The following NRG2 variants were observed in gnomAD, a reference collection of about 807,000 sequenced individuals.
NRG2 encodes pro-neuregulin-2, membrane-bound isoform.
Under a neutral mutation model 73.9 loss-of-function variants are expected in NRG2, and 27 were observed. That is an observed-to-expected ratio of 0.37 (90% CI 0.27 to 0.50). NRG2 has a LOEUF of 0.50. Among genes scored for constraint, NRG2 ranks in the 20% least tolerant of loss-of-function variants. NRG2 has a pLI of 0.96. For missense variants in NRG2, 1,126 were observed against 1,210.1 expected, an observed-to-expected ratio of 0.93 and a Z score of 1.03; for synonymous variants, 532 against 541.0, an observed-to-expected ratio of 0.98 and a Z score of 0.23.
chr5:139,893,368 C>A (rs1056797383), intron 1 of NRG2, among the ~76,000 whole-genome samples: 2 of 152,156 alleles, frequency 1.3e-5, no homozygotes, highest in Middle Eastern at 3.2e-3. Context: ...GGGGTTCATG[C>A]ATATTTTCTC....
intron 1 of NRG2, among the ~76,000 whole-genome samples, chr5:139,987,461 T>G (rs918585005): frequency 2.0e-5 from 3 of 151,106 alleles, no homozygotes; most frequent in Non-Finnish European, 4.4e-5. Context: ...TCCAGTGCTC[T>G]AAGGATGCCC....
chr5:139,945,046 T>C (rs1753706304), intron 1 of NRG2, among the ~76,000 whole-genome samples: 1 of 152,198 alleles, frequency 6.6e-6, no homozygotes, highest in South Asian at 2.1e-4. Context: ...CTTTTGTATG[T>C]CTTCTTTTGA....
intron 1 of NRG2, among the ~76,000 whole-genome samples, chr5:139,979,750 C>T (rs573926159): frequency 1.1e-4 from 16 of 152,282 alleles, no homozygotes; most frequent in East Asian, 3.9e-4. Flanking sequence ...GATCCTGCAA[C>T]GCTGGCTGAG....
At chr5:139,871,560 T>C (rs1392517955) in intron 4 of NRG2, among the ~76,000 whole-genome samples, 161 bp downstream of exon 4, 1 of 152,106 alleles carries the variant, frequency 6.6e-6, no homozygotes, top group East Asian at 1.9e-4. Context: ...TCTCCTTATA[T>C]TCCAGGAAAG....
chr5:140,040,863 G>T (rs1284741607), intron 1 of NRG2, among the ~76,000 whole-genome samples: 2 of 152,056 alleles, frequency 1.3e-5, no homozygotes, highest in Admixed American at 1.3e-4. Flanking sequence ...ATAATAAAAA[G>T]CAGTCAACAA....
intron 1 of NRG2, among the ~76,000 whole-genome samples, chr5:139,983,321 G>A (rs1756946356): frequency 6.6e-6 from 1 of 152,340 alleles, no homozygotes; most frequent in South Asian, 2.1e-4. Flanking sequence ...CATGAGAAAG[G>A]TCTCTGTTTC....
intron 1 of NRG2, among the ~76,000 whole-genome samples, chr5:139,892,630 C>CTAGTA (rs2127145382): frequency 6.6e-6 from 1 of 152,176 alleles, no homozygotes; most frequent in East Asian, 1.9e-4. Flanking sequence ...CACTACAATG[C>CTAGTA]TAGTGTATGG....
chr5:139,992,818 TG>T (rs1267561407), intron 1 of NRG2, among the ~76,000 whole-genome samples: 19 of 152,182 alleles, frequency 1.2e-4, no homozygotes, highest in African/African-American at 4.1e-4. Context: ...TCCTTCCTTC[TG>T]CCCAAGAGTA....
intron 1 of NRG2, among the ~76,000 whole-genome samples, chr5:139,897,345 G>A (rs1764611508): frequency 6.6e-6 from 1 of 152,220 alleles, no homozygotes; most frequent in Non-Finnish European, 1.5e-5. Context: ...AGTTTGCACA[G>A]TGCCTGAAAC....
intron 1 of NRG2, among the ~76,000 whole-genome samples, chr5:139,982,566 A>G (rs1317283634): frequency 6.6e-6 from 1 of 152,218 alleles, no homozygotes; most frequent in African/African-American, 2.4e-5. Flanking sequence ...GTAGTCAATT[A>G]GAAGGGAAGA....
chr5:139,932,672 C>T (rs1752563695), intron 1 of NRG2, among the ~76,000 whole-genome samples: 2 of 151,816 alleles, frequency 1.3e-5, no homozygotes, highest in African/African-American at 2.4e-5. Flanking sequence ...TGCTAATCTA[C>T]TTTATTATAG....
At chr5:139,993,789 C>T (rs1012727141) in intron 1 of NRG2, among the ~76,000 whole-genome samples, 12 of 344 alleles carry the variant, frequency 0.035, no homozygotes, top group African/African-American at 0.041. Context: ...AACTATGTTA[C>T]GCTGATAAAG....
chr5:139,947,760 G>A (rs150856175), intron 1 of NRG2, among the ~76,000 whole-genome samples: 1 of 152,210 alleles, frequency 6.6e-6, no homozygotes, highest in African/African-American at 2.4e-5. Context: ...GGTGTGAAGT[G>A]GTATATCATT....
rs573172432 is a variant in NRG2, at chr5:139,914,900, G to T, written c.701-27389C>A. On this transcript the variant is annotated intron_variant, in intron 1 of 9. Coordinates refer to ENST00000361474, the MANE Select transcript of NRG2 (RefSeq NM_004883.3). ...CACCACTGGCTCCACTTAGGTGGGG[G>T]CCATTGTAGGCCCCCCAGCTGGTTA... Among the ~76,000 whole-genome samples, 4 of 152,290 alleles carry T rather than the reference G, an allele frequency of 2.6e-5. No individual in the cohort carries two copies. The South Asian group carries it at 8.3e-4, about 32-fold the overall frequency.
At chr5:139,961,630 G>C (rs1755070843) in intron 1 of NRG2, among the ~76,000 whole-genome samples, 1 of 152,148 alleles carries the variant, frequency 6.6e-6, no homozygotes, top group Non-Finnish European at 1.5e-5. Flanking sequence ...CCTCCTCCTG[G>C]GGAACTTCTC....
At chr5:139,855,579 C>T in intron 6 of NRG2, 97 bp downstream of exon 6, 1 of 1,054,934 alleles carries the variant, frequency 9.5e-7, no homozygotes, top group Non-Finnish European at 1.5e-6. Flanking sequence ...GTATAGAGGG[C>T]TCCAGTGGGG....
intron 1 of NRG2, among the ~76,000 whole-genome samples, chr5:139,989,102 A>G (rs958991406): frequency 2.6e-5 from 4 of 152,078 alleles, no homozygotes; most frequent in Admixed American, 2.6e-4. Context: ...TAGATGTACC[A>G]TAAGAGCAGA....
chr5:140,031,959 T>C (rs1580988315), intron 1 of NRG2, among the ~76,000 whole-genome samples: 1 of 152,100 alleles, frequency 6.6e-6, no homozygotes. Context: ...AGAATGAACA[T>C]GCCAAAGGAG....
Position 140,033,500 on chromosome 5 carries a change from G to A in NRG2, c.700+8870C>T, listed in dbSNP as rs984607757. On this transcript the variant is annotated intron_variant, in intron 1 of 9. Coordinates refer to ENST00000361474, the MANE Select transcript of NRG2 (RefSeq NM_004883.3). ...GTCTTCTCGAAAAATTGACCAGCAC[G>A]TACCCATGAGCACATCAAGATCTGT... Among the ~76,000 whole-genome samples, 7 of 152,126 alleles carry A rather than the reference G, an allele frequency of 4.6e-5. No individual in the cohort carries two copies. The East Asian group carries it at 7.7e-4, about 17-fold the overall frequency.
Sources: allele counts gnomAD v4.1 joint callset (sites outside exome capture counted in the v4.1 genomes callset), GRCh38; gene constraint gnomAD v4.1.1; transcripts MANE v1.5; gene names NCBI Gene and HGNC (gene_info 2026-07-23, HGNC 2026-07-21).